Variants in TRANK1 observed in about 807,000 individuals in gnomAD.
TRANK1 encodes the protein tetratricopeptide repeat and ankyrin repeat containing 1.
TRANK1 carries 198 observed loss-of-function variants against 266.0 expected under a neutral mutation model. That is an observed-to-expected ratio of 0.74 (90% CI 0.66 to 0.84). TRANK1 has a LOEUF of 0.84. Among genes scored for constraint, TRANK1 ranks in the 40% least tolerant of loss-of-function variants. TRANK1 has a pLI of 0.00. For synonymous variants in TRANK1, 1,396 were observed against 1,384.1 expected, an observed-to-expected ratio of 1.01 and a Z score of -0.19; for missense variants, 3,326 against 3,634.6, an observed-to-expected ratio of 0.92 and a Z score of 2.18.
In TRANK1 at chr3:36,879,667, T is replaced by TAA. The variant is rs1250071441; in HGVS notation, c.908-5372_908-5371insTT. Among the ~76,000 whole-genome samples the TAA allele has an allele frequency of 4.6e-5, 4 of 86,628 alleles. 1 individual carries two copies. The highest frequency in any genetic ancestry group is 8.4e-5 in the Non-Finnish European group (4 of 47,842). The allele number at this position is 86,628 out of a possible 152,430, so 56.8% of individuals were successfully genotyped here. Reference sequence around the variant, plus strand: ...ACAAATATATATAAATATATAAATATATATAAATATATAAATATATAAATA... The same window carrying TAA: ...ACAAATATATATAAATATATAAATATAAATATAAATATATAAATATATAAATA... On this transcript the variant is annotated intron_variant, in intron 8 of 23. Transcript: ENST00000645898.
At chr3:36,866,883 A>G (rs1386464004) in intron 9 of TRANK1, among the ~76,000 whole-genome samples, 2 of 151,984 alleles carry the variant, frequency 1.3e-5, no homozygotes, top group Non-Finnish European at 2.9e-5. Context: ...TCTAAATCAC[A>G]CTTCAATAAA....
intron 9 of TRANK1, among the ~76,000 whole-genome samples, chr3:36,868,066 C>T (rs2079253134): frequency 6.6e-6 from 1 of 152,238 alleles, no homozygotes; most frequent in African/African-American, 2.4e-5. Context: ...GGAGGGCTGG[C>T]TCCCACTTGG....
At chr3:36,903,777 A>G (rs2079919734) in intron 2 of TRANK1, among the ~76,000 whole-genome samples, 1 of 152,216 alleles carries the variant, frequency 6.6e-6, no homozygotes, top group Admixed American at 6.5e-5. Flanking sequence ...AGGGCCCTTT[A>G]AAGCGCAGCA....
chr3:36,862,957 A>G (rs1324321314), intron 10 of TRANK1, among the ~76,000 whole-genome samples: 1 of 152,186 alleles, frequency 6.6e-6, no homozygotes, highest in Non-Finnish European at 1.5e-5. Context: ...GTCATTTTCA[A>G]TAGGAAGAGC....
At position 36,899,278 on chromosome 3, in the gene TRANK1, C is replaced by A; in HGVS notation, c.283-19G>T. The A allele has an allele frequency of 2.6e-6, 4 of 1,535,272 alleles. No homozygotes were observed. On this transcript the variant is annotated intron_variant, in intron 3 of 23. Coordinates refer to ENST00000645898, the MANE Select transcript of TRANK1 (RefSeq NM_001329998.2). ...AGTATCCCTGGAACAGGATAAAAAG[C>A]AAAACTGTCATGTACCACATCTCCT...
At chr3:36,936,538 C>T (rs2080428206) in intron 1 of TRANK1, among the ~76,000 whole-genome samples, 1 of 151,458 alleles carries the variant, frequency 6.6e-6, no homozygotes, top group East Asian at 1.9e-4. Flanking sequence ...GATAGGGTTG[C>T]CAACACTTAA....
intron 4 of TRANK1, among the ~76,000 whole-genome samples, chr3:36,897,633 A>G (rs2079812071): frequency 6.6e-6 from 1 of 152,188 alleles, no homozygotes; most frequent in African/African-American, 2.4e-5. Flanking sequence ...TGGTTTCCCC[A>G]TATTTAAAAA....
intron 13 of TRANK1, 67 bp from the exon 14 acceptor site, chr3:36,852,412 G>A (rs1248771092): frequency 1.4e-6 from 2 of 1,411,270 alleles, no homozygotes; most frequent in Admixed American, 2.8e-5. Flanking sequence ...GTTATTTGGG[G>A]TGGGGGACAT....
chr3:36,920,458 A>C, intron 1 of TRANK1, among the ~76,000 whole-genome samples: 1 of 152,188 alleles, frequency 6.6e-6, no homozygotes, highest in Middle Eastern at 3.2e-3. Flanking sequence ...CCCTGACAGA[A>C]ACTGGTTCAG....
At chr3:36,911,955 A>G (rs2080058375) in intron 1 of TRANK1, among the ~76,000 whole-genome samples, 1 of 152,184 alleles carries the variant, frequency 6.6e-6, no homozygotes, top group African/African-American at 2.4e-5. Flanking sequence ...GGGAGGCCGA[A>G]GCAGGCAGAT....
chr3:36,891,204 G>A (rs997757870), intron 7 of TRANK1, among the ~76,000 whole-genome samples: 2 of 152,112 alleles, frequency 1.3e-5, no homozygotes, highest in Non-Finnish European at 2.9e-5. Flanking sequence ...GCCAGGCGTG[G>A]TGGCGGGGGC....
chr3:36,858,039 A>G lies in TRANK1; in HGVS notation c.1683T>C (p.Gly561=), dbSNP rs1487843288. 1 of 1,555,070 alleles carries G rather than the reference A, an allele frequency of 6.4e-7. No homozygotes were observed. The highest frequency in any genetic ancestry group is 8.6e-7 in the Non-Finnish European group (1 of 1,156,556). The part of the protein sequence containing the change: ...HIFLEIKADI[G]FSFLSHLLDL... ...CCAACAGATGGCTGAGGAAGCTAAA[A>G]CCAATGTCAGCTGAAAGACACAAAC... Residue 561 remains glycine, a synonymous_variant, in exon 13 of 24, where the codon GGT becomes GGC. Transcript: ENST00000645898.
In TRANK1 at chr3:36,833,720, G is replaced by T; in HGVS notation, c.5863C>A (p.Leu1955Met). ...TCTCTCCTACCTTCCCTGTTCAGCA[G>T]GTCTGCAGCTTCTGCTAAGCGTTTC... The part of the protein sequence containing the change: ...SRKRLAEAAD[L>M]LNREGRREEA... The change falls in exon 22 of 24, where the codon CTG becomes ATG. Residue 1955 changes from leucine to methionine, a missense_variant. Coordinates refer to ENST00000645898, the MANE Select transcript of TRANK1 (RefSeq NM_001329998.2). 2.5e-6 allele frequency: 4 copies of T among 1,613,982 alleles called. No homozygotes were observed. The highest frequency in any genetic ancestry group is 3.4e-6 in the Non-Finnish European group (4 of 1,179,890).
intron 8 of TRANK1, among the ~76,000 whole-genome samples, chr3:36,885,317 C>T (rs1299744503): frequency 6.6e-6 from 1 of 152,142 alleles, no homozygotes; most frequent in Non-Finnish European, 1.5e-5. Context: ...TAACTTCATT[C>T]CAGTCATAAC....
chr3:36,923,879 C>T (rs1039723639), intron 1 of TRANK1, among the ~76,000 whole-genome samples: 1 of 152,186 alleles, frequency 6.6e-6, no homozygotes, highest in Non-Finnish European at 1.5e-5. Context: ...TCTTAACCAT[C>T]CTGGTGCTCT....
intron 1 of TRANK1, among the ~76,000 whole-genome samples, chr3:36,912,883 A>T (rs1447132048): frequency 4.6e-5 from 7 of 151,464 alleles, no homozygotes; most frequent in Admixed American, 3.3e-4. Context: ...TTTTTATTTT[A>T]TTTTTTTGGG....
At chr3:36,934,597 G>A (rs1300304676) in intron 1 of TRANK1, among the ~76,000 whole-genome samples, 1 of 151,960 alleles carries the variant, frequency 6.6e-6, no homozygotes, top group East Asian at 1.9e-4. Flanking sequence ...GGTATCTCTG[G>A]TCACAGTATT....
At chr3:36,943,333 C>G (rs549146951) in intron 1 of TRANK1, among the ~76,000 whole-genome samples, 1 of 152,062 alleles carries the variant, frequency 6.6e-6, no homozygotes, top group African/African-American at 2.4e-5. Context: ...ATATTACACA[C>G]ATATTATGCA....
At chr3:36,939,195 T>G (rs2080464034) in intron 1 of TRANK1, among the ~76,000 whole-genome samples, 1 of 151,388 alleles carries the variant, frequency 6.6e-6, no homozygotes, top group Admixed American at 6.6e-5. Context: ...CACACAAACA[T>G]ATTTTCCATG....
Sources: gnomAD v4.1 joint callset for allele counts (sites outside exome capture counted in the v4.1 genomes callset) on GRCh38, gnomAD v4.1.1 for gene constraint, MANE v1.5 for transcripts, NCBI Gene and HGNC (gene_info 2026-07-23, HGNC 2026-07-21) for gene names.